The following C6orf52 variants were observed in gnomAD, a reference collection of about 807,000 sequenced individuals.
C6orf52 encodes the protein chromosome 6 open reading frame 52, also known as putative uncharacterized protein C6orf52.
C6orf52 carries 16 observed loss-of-function variants against 16.6 expected under a neutral mutation model. That is an observed-to-expected ratio of 0.96 (90% CI 0.65 to 1.46). C6orf52 has a LOEUF of 1.46. C6orf52 is among the 40% of genes most tolerant of loss of function. The pLI, the probability that C6orf52 is intolerant of heterozygous loss-of-function variation, is 0.00. For missense variants in C6orf52, 166 were observed against 182.3 expected (o/e 0.91, Z 0.52); for synonymous variants, 53 against 61.4 (o/e 0.86, Z 0.64).
intron 1 of C6orf52, among the ~76,000 whole-genome samples, chr6:10,692,101 C>G (rs1310390470): frequency 2.0e-5 from 3 of 152,320 alleles, no homozygotes; most frequent in Non-Finnish European, 1.5e-5. Context: ...GGAGACAGGG[C>G]ACCAGGGACA....
chr6:10,687,485 C>G lies in C6orf52; in HGVS notation c.66G>C (p.Trp22Cys). ...IAQQNNYYCY[W>C]QSLPSAIRVK... ...AGTAGGAGAAAACCACTCACCTTTG[C>G]CAGTAGCAGTAATAGTTATTTTGTT... The change falls in exon 2 of 5, where the codon TGG becomes TGC. Residue 22 changes from tryptophan to cysteine, a missense_variant. Coordinates refer to ENST00000259983, the MANE Select transcript of C6orf52 (RefSeq NM_001145020.3). The G allele has an allele frequency of 6.5e-7, 1 of 1,546,194 alleles. No homozygotes were observed.
chr6:10,682,551 G>A (rs1768491898), intron 4 of C6orf52, among the ~76,000 whole-genome samples: 2 of 152,114 alleles, frequency 1.3e-5, no homozygotes, highest in Non-Finnish European at 2.9e-5. Context: ...GGTAGGGGCA[G>A]GGGTTTGGGC....
intron 1 of C6orf52, among the ~76,000 whole-genome samples, chr6:10,689,920 T>A (rs572741549): frequency 1.3e-5 from 2 of 152,344 alleles, no homozygotes; most frequent in South Asian, 4.1e-4. Flanking sequence ...ACTACTGTAG[T>A]TTAGACAGCC....
At chr6:10,680,489 G>T (rs766922871) in intron 4 of C6orf52, among the ~76,000 whole-genome samples, 1 of 152,098 alleles carries the variant, frequency 6.6e-6, no homozygotes, top group Non-Finnish European at 1.5e-5. Flanking sequence ...TTCTTGTTGT[G>T]TCCTTTTCTG....
intron 4 of C6orf52, among the ~76,000 whole-genome samples, 158 bp downstream of exon 4, chr6:10,683,029 C>A (rs1012669748): frequency 1.3e-5 from 2 of 152,170 alleles, no homozygotes; most frequent in African/African-American, 4.8e-5. Context: ...CCCATAGAAC[C>A]AGTTTCTAAA....
intron 4 of C6orf52, among the ~76,000 whole-genome samples, chr6:10,680,631 C>T (rs375064056): frequency 6.6e-6 from 1 of 152,088 alleles, no homozygotes; most frequent in African/African-American, 2.4e-5. Flanking sequence ...GTGACTCAGG[C>T]CTGTAATTCC....
chr6:10,691,248 T>C (rs1188392137), intron 1 of C6orf52, among the ~76,000 whole-genome samples: 1 of 152,000 alleles, frequency 6.6e-6, no homozygotes, highest in Non-Finnish European at 1.5e-5. Context: ...AGCCAGCGAG[T>C]TTAAGAAAGA....
At chr6:10,677,346 G>C (rs568851269) in intron 4 of C6orf52, among the ~76,000 whole-genome samples, 163 of 152,080 alleles carry the variant, frequency 1.1e-3, no homozygotes, top group African/African-American at 3.8e-3. Context: ...TTTATTTCTG[G>C]GCTCTCTATT....
chr6:10,691,178 A>G (rs997460369), intron 1 of C6orf52, among the ~76,000 whole-genome samples: 1 of 152,204 alleles, frequency 6.6e-6, no homozygotes, highest in Non-Finnish European at 1.5e-5. Flanking sequence ...GTACGCTTAC[A>G]CTAATCTTTT....
At chr6:10,691,073 T>C (rs1561883138) in intron 1 of C6orf52, among the ~76,000 whole-genome samples, 2 of 152,218 alleles carry the variant, frequency 1.3e-5, no homozygotes, top group Non-Finnish European at 2.9e-5. Context: ...GCTGGCTCTG[T>C]TATTTAGCTG....
intron 1 of C6orf52, among the ~76,000 whole-genome samples, chr6:10,690,487 G>T (rs983385727): frequency 2.0e-5 from 3 of 152,148 alleles, no homozygotes; most frequent in Admixed American, 2.0e-4. Flanking sequence ...GTCACATTGA[G>T]AAAGAGGAGA....
At chr6:10,672,546 C>T (rs1445456484) in intron 4 of C6orf52, 8 of 700,366 alleles carry the variant, frequency 1.1e-5, no homozygotes, top group African/African-American at 1.8e-5. Context: ...GCAACTCATA[C>T]CTGTAACCCC....
At chr6:10,675,733 G>A (rs574587574) in intron 4 of C6orf52, among the ~76,000 whole-genome samples, 7 of 152,258 alleles carry the variant, frequency 4.6e-5, no homozygotes, top group Admixed American at 2.0e-4. Context: ...GGAGTGAGAC[G>A]ATATCTCACT....
At chr6:10,692,504 G>C (rs1769418177) in intron 1 of C6orf52, among the ~76,000 whole-genome samples, 1 of 152,084 alleles carries the variant, frequency 6.6e-6, no homozygotes, top group South Asian at 2.1e-4. Context: ...GCAGTGGCGG[G>C]ATCTCGGCTC....
At chr6:10,689,406 A>G (rs965928039) in intron 1 of C6orf52, among the ~76,000 whole-genome samples, 1 of 152,220 alleles carries the variant, frequency 6.6e-6, no homozygotes, top group African/African-American at 2.4e-5. Context: ...GGATTTCCTC[A>G]TGTCTTCAAG....
intron 4 of C6orf52, among the ~76,000 whole-genome samples, chr6:10,676,090 A>T (rs1198957112): frequency 6.6e-6 from 1 of 152,206 alleles, no homozygotes; most frequent in East Asian, 1.9e-4. Context: ...AAATCACGCC[A>T]CTGCGTTCCA....
rs531736798 is a variant in C6orf52, at chr6:10,672,211, A to AT, written c.317-614dup. Among the ~76,000 whole-genome samples the AT allele has an allele frequency of 2.0e-4, 31 of 152,238 alleles. No individual in the cohort carries two copies. The East Asian group carries it at 4.6e-3, about 23-fold the overall frequency. On this transcript the variant is annotated intron_variant, in intron 4 of 4. Transcript: ENST00000259983. The stretch of plus-strand genomic sequence containing the variant: ...CTTTCCAAGGCTTACAAGGTCATTA[A>AT]TTTTTTTAATCTATTTTTTTCCTCT...
At position 10,687,478 on chromosome 6, in the gene C6orf52, AC is replaced by A. The variant is rs759540094; in HGVS notation, c.71+1del. The A allele has an allele frequency of 3.6e-5, 55 of 1,542,038 alleles. No individual in the cohort carries two copies. Among genetic ancestry groups the A allele is most frequent in the Non-Finnish European group, 4.3e-5 (49 of 1,138,976 alleles). ...TTTTCAAAGTAGGAGAAAACCACTC[AC>A]CTTTGCCAGTAGCAGTAATAGTTAT... On this transcript the variant is annotated splice_donor_variant, in intron 2 of 4. Coordinates refer to ENST00000259983, the MANE Select transcript of C6orf52 (RefSeq NM_001145020.3). LOFTEE classifies it high-confidence loss of function.
chr6:10,680,696 A>C (rs1768301348), intron 4 of C6orf52, among the ~76,000 whole-genome samples: 1 of 152,212 alleles, frequency 6.6e-6, no homozygotes, highest in South Asian at 2.1e-4. Context: ...GTTTGAGACC[A>C]ACCTGAGCAA....
Sources: gnomAD v4.1 joint callset for allele counts (sites outside exome capture counted in the v4.1 genomes callset) on GRCh38, gnomAD v4.1.1 for gene constraint, MANE v1.5 for transcripts, NCBI Gene and HGNC (gene_info 2026-07-23, HGNC 2026-07-21) for gene names.